MARCHF1: variants seen among roughly 807,000 people sequenced by gnomAD.
MARCHF1 encodes the protein membrane associated ring-CH-type finger 1.
MARCHF1 carries 40 observed loss-of-function variants against 54.2 expected under a neutral mutation model. The ratio of observed to expected loss-of-function variants is 0.74; its 90% confidence interval spans 0.57 to 0.96. The LOEUF (loss-of-function observed/expected upper bound fraction) is 0.96, where lower values mean the gene tolerates loss of function less well. MARCHF1 is among the 40% of genes least tolerant of loss of function. MARCHF1 has a pLI of 0.00. For synonymous variants in MARCHF1, 236 were observed against 236.3 expected, an observed-to-expected ratio of 1.00 and a Z score of 0.01; for missense variants, 586 against 656.5, an observed-to-expected ratio of 0.89 and a Z score of 1.17.
intron 7 of MARCHF1, among the ~76,000 whole-genome samples, chr4:163,592,340 C>T (rs1239134541): frequency 6.6e-6 from 1 of 152,090 alleles, no homozygotes; most frequent in East Asian, 1.9e-4. Context: ...CATAGCATGA[C>T]TTCCTGAGTT....
intron 8 of MARCHF1, among the ~76,000 whole-genome samples, chr4:163,550,281 C>CAAAAAA (rs60320461): frequency 9.5e-5 from 10 of 105,100 alleles, no homozygotes; most frequent in African/African-American, 1.4e-4. Context: ...GACTCCGTCT[C>CAAAAAA]AAAAAAAAAA....
intron 8 of MARCHF1, chr4:163,584,119 A>G (rs966742971): frequency 6.6e-6 from 1 of 150,754 alleles, no homozygotes; most frequent in African/African-American, 2.4e-5. Flanking sequence ...TATACTAGAT[A>G]CTACAAAAGC....
intron 1 of MARCHF1, among the ~76,000 whole-genome samples, chr4:164,176,661 G>A (rs1186201984): frequency 6.7e-6 from 1 of 150,228 alleles, no homozygotes; most frequent in Non-Finnish European, 1.5e-5. Context: ...TTTCTGAGAG[G>A]GATAGAGATA....
At chr4:163,634,081 G>C (rs1742215236) in intron 5 of MARCHF1, among the ~76,000 whole-genome samples, 2 of 152,120 alleles carry the variant, frequency 1.3e-5, no homozygotes, top group Admixed American at 1.3e-4. Flanking sequence ...TGCCCTAAAA[G>C]AGCTCCTGAA....
In MARCHF1 at chr4:164,281,152, C is replaced by A. The variant is rs1449170773; in HGVS notation, c.-323+102718G>T. 3.9e-5 allele frequency among the ~76,000 whole-genome samples: 6 copies of A among 152,220 alleles called. No individual in the cohort carries two copies. In the East Asian group the frequency reaches 1.2e-3, roughly 29 times the overall value. The stretch of plus-strand genomic sequence containing the variant: ...TACATAGGCATCATTTATTGTTCTG[C>A]AAAATTAGATTCATGGCATAGAATA... On this transcript the variant is annotated intron_variant, in intron 1 of 9. Coordinates refer to ENST00000514618, the MANE Select transcript of MARCHF1 (RefSeq NM_001394959.1).
chr4:163,663,746 T>C (rs1372006242), intron 5 of MARCHF1, among the ~76,000 whole-genome samples: 2 of 152,102 alleles, frequency 1.3e-5, no homozygotes, highest in Admixed American at 6.6e-5. Context: ...GATTTCAACA[T>C]AGACTAATAT....
chr4:163,810,013 T>C (rs1748340764), intron 4 of MARCHF1, among the ~76,000 whole-genome samples: 1 of 151,956 alleles, frequency 6.6e-6, no homozygotes, highest in Non-Finnish European at 1.5e-5. Context: ...TCTAAGCAAA[T>C]GTTATCAGAG....
chr4:163,858,345 T>C (rs961465214), intron 3 of MARCHF1, among the ~76,000 whole-genome samples: 1 of 152,128 alleles, frequency 6.6e-6, no homozygotes, highest in Non-Finnish European at 1.5e-5. Flanking sequence ...CCTACCTCTA[T>C]TTATCTCTCT....
intron 1 of MARCHF1, among the ~76,000 whole-genome samples, chr4:164,262,621 C>T (rs927054994): frequency 6.6e-6 from 1 of 152,266 alleles, no homozygotes; most frequent in East Asian, 1.9e-4. Context: ...GAGAGAAATG[C>T]TCAAGTGATG....
intron 1 of MARCHF1, among the ~76,000 whole-genome samples, chr4:164,172,844 GGT>G (rs1730563355): frequency 1.3e-5 from 2 of 152,106 alleles, no homozygotes; most frequent in South Asian, 4.1e-4. Flanking sequence ...GGGCCCACGT[GGT>G]GGCGGGGGCC....
chr4:163,634,501 G>T (rs1353043933), intron 5 of MARCHF1, among the ~76,000 whole-genome samples: 2 of 146,992 alleles, frequency 1.4e-5, no homozygotes, highest in Non-Finnish European at 1.5e-5. Context: ...AGACAAAGAA[G>T]GCCACTACAT....
At chr4:164,074,881 A>G (rs1754944848) in intron 2 of MARCHF1, among the ~76,000 whole-genome samples, 1 of 150,828 alleles carries the variant, frequency 6.6e-6, no homozygotes, top group Admixed American at 6.6e-5. Context: ...TCTAAAATAT[A>G]AGAAATATAA....
chr4:163,841,306 C>T (rs1749330086), intron 4 of MARCHF1, among the ~76,000 whole-genome samples: 1 of 151,970 alleles, frequency 6.6e-6, no homozygotes, highest in African/African-American at 2.4e-5. Context: ...GTAGGTTCAT[C>T]AACTATAACA....
intron 9 of MARCHF1, among the ~76,000 whole-genome samples, chr4:163,539,195 AT>A: frequency 6.6e-6 from 1 of 151,822 alleles, no homozygotes; most frequent in Non-Finnish European, 1.5e-5. Context: ...TAAGTTTTGT[AT>A]TTTTAGTAGA....
intron 7 of MARCHF1, among the ~76,000 whole-genome samples, chr4:163,588,154 A>T (rs1740471726): frequency 6.6e-6 from 1 of 152,222 alleles, no homozygotes; most frequent in Non-Finnish European, 1.5e-5. Flanking sequence ...ATGAGAACAC[A>T]GGGAAGGTCC....
intron 1 of MARCHF1, among the ~76,000 whole-genome samples, chr4:164,115,548 A>G (rs1755922532): frequency 6.6e-6 from 1 of 152,102 alleles, no homozygotes; most frequent in Non-Finnish European, 1.5e-5. Context: ...GACTACAAAC[A>G]TTGGCATCAA....
At chr4:163,980,697 T>C (rs1345318228) in intron 3 of MARCHF1, among the ~76,000 whole-genome samples, 1 of 152,182 alleles carries the variant, frequency 6.6e-6, no homozygotes, top group Non-Finnish European at 1.5e-5. Context: ...AAATCACTTC[T>C]TCCAAAAGCT....
intron 1 of MARCHF1, among the ~76,000 whole-genome samples, chr4:164,301,575 T>C (rs1412331702): frequency 6.6e-6 from 1 of 152,152 alleles, no homozygotes; most frequent in Non-Finnish European, 1.5e-5. Context: ...AGCACAAAAC[T>C]GTTAGCTAAA....
intron 5 of MARCHF1, among the ~76,000 whole-genome samples, chr4:163,698,614 C>A (rs1579205803): frequency 1.3e-5 from 2 of 152,118 alleles, no homozygotes; most frequent in Admixed American, 1.3e-4. Flanking sequence ...TAATACATAC[C>A]AGACCCTGAA....
Sources: gnomAD v4.1 joint callset for allele counts (sites outside exome capture counted in the v4.1 genomes callset) on GRCh38, gnomAD v4.1.1 for gene constraint, MANE v1.5 for transcripts, NCBI Gene and HGNC (gene_info 2026-07-23, HGNC 2026-07-21) for gene names.